FBN2: variants seen among roughly 807,000 people sequenced by gnomAD.
The protein encoded by FBN2 is fibrillin 2, also known as fibrillin-2.
FBN2 carries 105 observed loss-of-function variants against 355.6 expected under a neutral mutation model. The observed-to-expected ratio is 0.30, with a 90% CI of 0.25 to 0.35. FBN2 has a LOEUF of 0.35. FBN2 is among the 10% of genes least tolerant of loss of function. The probability of loss-of-function intolerance (pLI) is 1.00; values close to 1 mark genes in which losing one functional copy is unlikely to be tolerated. For synonymous variants in FBN2, 1,350 were observed against 1,301.2 expected (o/e 1.04, Z -0.81); for missense variants, 3,280 against 3,758.7 (o/e 0.87, Z 3.33).
chr5:128,283,714 A>C (rs1021361611), intron 55 of FBN2, among the ~76,000 whole-genome samples: 1 of 152,174 alleles, frequency 6.6e-6, no homozygotes, highest in African/African-American at 2.4e-5. Context: ...TGCTGACTTG[A>C]TATTCCCACT....
intron 8 of FBN2, 130 bp downstream of exon 8, chr5:128,408,544 C>T: frequency 9.4e-7 from 1 of 1,065,054 alleles, no homozygotes; most frequent in Non-Finnish European, 1.4e-6. Context: ...AATACTGGTA[C>T]CGTTTACATT....
intron 6 of FBN2, among the ~76,000 whole-genome samples, chr5:128,461,883 C>T (rs1754568232): frequency 6.6e-6 from 1 of 151,688 alleles, no homozygotes; most frequent in Non-Finnish European, 1.5e-5. Context: ...GAGGACAGGT[C>T]AATAGGTGCG....
At chr5:128,364,041 G>A (rs1751706028) in intron 18 of FBN2, among the ~76,000 whole-genome samples, 1 of 152,034 alleles carries the variant, frequency 6.6e-6, no homozygotes, top group Non-Finnish European at 1.5e-5. Context: ...GTGCTTTATG[G>A]GAAAATCTTG....
chr5:128,424,133 C>T (rs997863571), intron 7 of FBN2, among the ~76,000 whole-genome samples: 2 of 152,028 alleles, frequency 1.3e-5, no homozygotes, highest in African/African-American at 2.4e-5. Flanking sequence ...TTAAAGTATA[C>T]GTGCCTGGCA....
chr5:128,474,625 G>C (rs1241449554), intron 5 of FBN2, among the ~76,000 whole-genome samples: 1 of 152,292 alleles, frequency 6.6e-6, no homozygotes, highest in East Asian at 1.9e-4. Flanking sequence ...TGGATTCCAT[G>C]TAGTATTTTC....
intron 5 of FBN2, among the ~76,000 whole-genome samples, chr5:128,508,186 A>G (rs1756014960): frequency 6.6e-6 from 1 of 152,022 alleles, no homozygotes. Flanking sequence ...TCTTATAGGC[A>G]GCATATAATT....
At position 128,398,203 on chromosome 5, in the gene FBN2, T is replaced by C. The variant is rs1448186598; in HGVS notation, c.1079-2929A>G. On this transcript the variant is annotated intron_variant, in intron 8 of 64. Coordinates refer to ENST00000262464, the MANE Select transcript of FBN2 (RefSeq NM_001999.4). ...GCCAACACAATTAGAGGACCTAATA[T>C]TAATGAAAGTCTCAAAAAATTCTCA... is the stretch of plus-strand genomic sequence containing the variant. 2.6e-5 allele frequency among the ~76,000 whole-genome samples: 4 copies of C among 151,964 alleles called. No individual in the cohort carries two copies. In the South Asian group the frequency reaches 8.3e-4, roughly 31 times the overall value.
At chr5:128,482,172 G>A (rs1239772326) in intron 5 of FBN2, among the ~76,000 whole-genome samples, 2 of 152,030 alleles carry the variant, frequency 1.3e-5, no homozygotes, top group Non-Finnish European at 2.9e-5. Flanking sequence ...GCTATGGAGA[G>A]AAAATGTGGA....
At position 128,274,620 on chromosome 5, in the gene FBN2, C is replaced by G. The variant is rs764514988; in HGVS notation, c.7658G>C (p.Gly2553Ala). 13 of 1,613,170 alleles carry G rather than the reference C, an allele frequency of 8.1e-6. No individual in the cohort carries two copies. In the Admixed American group the frequency reaches 2.2e-4, roughly 27 times the overall value. ...ACCAGGTGGACATTTACAGGTAAACCCCCCCAGGGTGTTGACACAGAGGAA... is the reference window on the plus strand; with the variant it reads ...ACCAGGTGGACATTTACAGGTAAACGCCCCCAGGGTGTTGACACAGAGGAA... Reference protein sequence around the residue: ...CQFLCVNTLGGFTCKCPPGFT... With the variant: ...CQFLCVNTLGAFTCKCPPGFT... Residue 2553 changes from glycine (G) to alanine (A), a missense_variant, in exon 60 of 65, where the codon GGG (glycine) becomes GCG (alanine). By Grantham distance (60) the Gly-to-Ala change is moderately conservative. Coordinates refer to ENST00000262464, the MANE Select transcript of FBN2 (RefSeq NM_001999.4).
chr5:128,530,770 TAAAAA>T (rs1756680436), intron 2 of FBN2, 77 bp from the exon 3 acceptor site: 1 of 958,514 alleles, frequency 1.0e-6, no homozygotes. Flanking sequence ...AAGCTGTATT[TAAAAA>T]TAAAAAGCCT....
At chr5:128,342,831 C>A (rs750051907) in intron 25 of FBN2, among the ~76,000 whole-genome samples, 1 of 151,748 alleles carries the variant, frequency 6.6e-6, no homozygotes, top group African/African-American at 2.4e-5. Flanking sequence ...TGGGTTTAAG[C>A]GATCCTCCTG....
At chr5:128,521,255 C>G (rs1473311801) in intron 4 of FBN2, among the ~76,000 whole-genome samples, 2 of 152,090 alleles carry the variant, frequency 1.3e-5, no homozygotes, top group Admixed American at 1.3e-4. Flanking sequence ...CCTCAGCAAA[C>G]TAACACAGGA....
intron 13 of FBN2, 138 bp from the exon 14 acceptor site, chr5:128,376,991 G>T (rs1474249092): frequency 9.8e-7 from 1 of 1,016,696 alleles, no homozygotes; most frequent in Non-Finnish European, 1.5e-6. Flanking sequence ...TTTAAAAAAA[G>T]AACGCCAACT....
At chr5:128,367,728 C>G (rs1197624973) in intron 16 of FBN2, among the ~76,000 whole-genome samples, 1 of 151,704 alleles carries the variant, frequency 6.6e-6, no homozygotes, top group Non-Finnish European at 1.5e-5. Flanking sequence ...ATCCTAATTC[C>G]TATTCATATT....
chr5:128,318,064 A>G, intron 36 of FBN2, 85 bp downstream of exon 36: 2 of 1,413,482 alleles, frequency 1.4e-6, no homozygotes, highest in Non-Finnish European at 2.0e-6. Context: ...TAACTGTAGC[A>G]AACACTCATC....
rs149771492 is a variant in FBN2, at chr5:128,537,872, T to C, written c.-269A>G. The C allele has an allele frequency of 1.3e-3, 711 of 565,202 alleles. 2 individuals carry two copies. Among genetic ancestry groups the C allele is most frequent in the Middle Eastern group, 5.6e-3 (12 of 2,142 alleles). 35.0% of individuals were successfully genotyped at this position (565,202 alleles called of 1,614,324 possible). ...AGCCGGCAGCCCCGAGCGGTACACG[T>C]TGCATAACCGGCCTAAAGCCCCGAG... On this transcript the variant is annotated 5_prime_UTR_variant, in exon 1 of 65. Transcript: ENST00000262464.
At position 128,446,579 on chromosome 5, in the gene FBN2, C is replaced by A; in HGVS notation, c.854G>T (p.Gly285Val). The change falls in exon 7 of 65, where the codon GGG (glycine) becomes GTG (valine). Residue 285 changes from glycine to valine, a missense_variant. Around this residue, in one of 6 missense-constraint regions of FBN2, gnomAD observed 343 missense variants for 331.0 expected, o/e 1.04. Transcript: ENST00000262464. The stretch of plus-strand genomic sequence containing the variant: ...GATACAGTTTCCTCCTTGGCATATC[C>A]CTGGGATAGCCTGGCATTCATCAAC... ...QDVDECQAIP[G>V]ICQGGNCINT... 5 of 1,613,744 alleles carry A rather than the reference C, an allele frequency of 3.1e-6. No homozygotes were observed. The highest frequency in any genetic ancestry group is 4.2e-6 in the Non-Finnish European group (5 of 1,179,758).
intron 6 of FBN2, among the ~76,000 whole-genome samples, chr5:128,452,649 A>G (rs1275209941): frequency 6.6e-6 from 1 of 152,210 alleles, no homozygotes; most frequent in African/African-American, 2.4e-5. Flanking sequence ...ACTATATTTC[A>G]TAGCGTGTTT....
chr5:128,345,354 T>C lies in FBN2; in HGVS notation c.3217+3A>G. ...GACCAAGGCGCTGGCCGCAGGCAGT[T>C]ACCTTTGTAAAATGGCCGCCCAGTA... On this transcript the variant is annotated splice_donor_region_variant and intron_variant, in intron 24 of 64. Coordinates refer to ENST00000262464, the MANE Select transcript of FBN2 (RefSeq NM_001999.4). The C allele has an allele frequency of 6.2e-7, 1 of 1,613,300 alleles. No individual in the cohort carries two copies. Among genetic ancestry groups the C allele is most frequent in the Non-Finnish European group, 8.5e-7 (1 of 1,179,248 alleles).
Sources: gnomAD v4.1 joint callset for allele counts (sites outside exome capture counted in the v4.1 genomes callset) on GRCh38, gnomAD v4.1.1 for gene constraint, gnomAD v4.1.1 regional missense constraint, MANE v1.5 for transcripts, NCBI Gene and HGNC (gene_info 2026-07-23, HGNC 2026-07-21) for gene names.